The following CMTM8 variants were observed in gnomAD, a reference collection of about 807,000 sequenced individuals.
CMTM8 encodes CKLF-like MARVEL transmembrane domain-containing protein 8.
Under a neutral mutation model 18.6 loss-of-function variants are expected in CMTM8, and 12 were observed. That is an observed-to-expected ratio of 0.65 (90% confidence interval 0.41 to 1.05). The LOEUF is 1.05. Among genes scored for constraint, CMTM8 ranks in the 50% least tolerant of loss-of-function variants. CMTM8 has a pLI of 0.00. For missense variants in CMTM8, 217 were observed against 227.2 expected (o/e 0.95, Z 0.29); for synonymous variants, 87 against 90.6 (o/e 0.96, Z 0.23).
chr3:32,244,049 A>G, intron 1 of CMTM8: 1 of 168,640 alleles, frequency 5.9e-6, no homozygotes, highest in Non-Finnish European at 1.3e-5. Flanking sequence ...ACTCCTGATC[A>G]ACATAGCTGC....
intron 1 of CMTM8, among the ~76,000 whole-genome samples, chr3:32,265,284 T>G (rs906676583): frequency 3.9e-5 from 6 of 152,242 alleles, no homozygotes; most frequent in South Asian, 4.1e-4. Flanking sequence ...AAACTAGAAC[T>G]CAGAATTAGG....
chr3:32,298,957 T>A (rs111911219), intron 1 of CMTM8, among the ~76,000 whole-genome samples: 4,712 of 111,556 alleles, frequency 0.042, 210 homozygotes, highest in African/African-American at 0.12. Flanking sequence ...ATATATATAT[T>A]TTTTTTTTTT....
At chr3:32,347,533 C>CT (rs1696625600) in intron 1 of CMTM8, among the ~76,000 whole-genome samples, 1 of 150,798 alleles carries the variant, frequency 6.6e-6, no homozygotes, top group African/African-American at 2.4e-5. Context: ...CACACAAGTG[C>CT]TGGGGGGCTT....
chr3:32,259,575 TGAA>T, intron 1 of CMTM8: 1 of 903,098 alleles, frequency 1.1e-6, no homozygotes. Flanking sequence ...CTGCTCTTCA[TGAA>T]GAAGAACCAT....
At chr3:32,342,613 A>C (rs1696520731) in intron 1 of CMTM8, among the ~76,000 whole-genome samples, 1 of 152,204 alleles carries the variant, frequency 6.6e-6, no homozygotes. Context: ...ACTTAGCCTG[A>C]CATCGTGTTG....
intron 2 of CMTM8, 95 bp from the exon 3 acceptor site, chr3:32,367,777 C>T (rs888167582): frequency 2.5e-6 from 2 of 795,082 alleles, no homozygotes; most frequent in African/African-American, 1.7e-5. Flanking sequence ...TTGGGCCCCT[C>T]CCCACACCAG....
rs1367894973 is a variant in CMTM8 at position 32,357,362 on chromosome 3, C to CCACT, written c.148-10_148-7dup. 14 of 1,612,346 alleles carry CCACT rather than the reference C, an allele frequency of 8.7e-6. No individual in the cohort carries two copies. Among genetic ancestry groups the CCACT allele is most frequent in the South Asian group, 5.5e-5 (5 of 90,972 alleles). On this transcript the variant is annotated splice_polypyrimidine_tract_variant and intron_variant, in intron 1 of 3. Transcript: ENST00000307526. The stretch of plus-strand genomic sequence containing the variant: ...TCCCCTCCTCTCTCCACTGCTTCTA[C>CCACT]CACTTTACAGGTTCTGGGGCTGCTG...
chr3:32,334,332 C>G (rs986861429), intron 1 of CMTM8, among the ~76,000 whole-genome samples: 1 of 151,104 alleles, frequency 6.6e-6, no homozygotes, highest in East Asian at 2.0e-4. Context: ...ATTGACCGAG[C>G]GTGGTGGCTC....
chr3:32,313,332 C>A (rs1340501535), intron 1 of CMTM8, among the ~76,000 whole-genome samples: 1 of 152,124 alleles, frequency 6.6e-6, no homozygotes, highest in Non-Finnish European at 1.5e-5. Flanking sequence ...CTATTTGCAG[C>A]AGGGGGGAGC....
At chr3:32,278,421 T>C (rs1280465828) in intron 1 of CMTM8, among the ~76,000 whole-genome samples, 1 of 152,212 alleles carries the variant, frequency 6.6e-6, no homozygotes, top group East Asian at 1.9e-4. Context: ...TCTCCAGTCT[T>C]CCCGTAATTG....
intron 1 of CMTM8, among the ~76,000 whole-genome samples, chr3:32,330,249 A>G (rs1583649): frequency 0.32 from 44,784 of 140,096 alleles, 7,260 homozygotes; most frequent in Middle Eastern, 0.4. Flanking sequence ...TAAAATTCCT[A>G]TGGAACCACA....
At chr3:32,290,065 G>A (rs1464378273) in intron 1 of CMTM8, among the ~76,000 whole-genome samples, 1 of 152,168 alleles carries the variant, frequency 6.6e-6, no homozygotes, top group African/African-American at 2.4e-5. Flanking sequence ...AGTGAGCTGA[G>A]ATTGTGCCAT....
At chr3:32,269,865 ACTC>A (rs1702409933) in intron 1 of CMTM8, among the ~76,000 whole-genome samples, 1 of 150,908 alleles carries the variant, frequency 6.6e-6, no homozygotes, top group Admixed American at 6.6e-5. Context: ...CTAAACTTGA[ACTC>A]CTGGACTCAA....
At chr3:32,315,539 C>G (rs190521136) in intron 1 of CMTM8, among the ~76,000 whole-genome samples, 509 of 152,254 alleles carry the variant, frequency 3.3e-3, no homozygotes, top group Middle Eastern at 0.014. Flanking sequence ...AGGTGCTCAG[C>G]GAAGGCACCC....
chr3:32,335,244 C>T (rs936336858), intron 1 of CMTM8, among the ~76,000 whole-genome samples: 2 of 152,236 alleles, frequency 1.3e-5, no homozygotes, highest in Non-Finnish European at 2.9e-5. Flanking sequence ...CCATCCCACT[C>T]CTTTCCTGGG....
chr3:32,254,664 T>C (rs1702154686), intron 1 of CMTM8, among the ~76,000 whole-genome samples: 1 of 152,126 alleles, frequency 6.6e-6, no homozygotes, highest in Non-Finnish European at 1.5e-5. Flanking sequence ...GACAATACTT[T>C]CCTCCTTACC....
intron 1 of CMTM8, among the ~76,000 whole-genome samples, chr3:32,245,335 C>T (rs932199731): frequency 2.0e-5 from 3 of 152,226 alleles, no homozygotes; most frequent in Admixed American, 6.5e-5. Context: ...AAATCGCTTG[C>T]TCTGGTTTTG....
intron 1 of CMTM8, among the ~76,000 whole-genome samples, chr3:32,349,452 T>C (rs116473489): frequency 0.081 from 12,352 of 152,120 alleles, 603 homozygotes; most frequent in East Asian, 0.18. Context: ...ATTTAAGGCC[T>C]TTGTTTCCAC....
chr3:32,360,477 A>G (rs1314461487), intron 2 of CMTM8, among the ~76,000 whole-genome samples: 1 of 152,278 alleles, frequency 6.6e-6, no homozygotes, highest in Non-Finnish European at 1.5e-5. Context: ...AGTTGGGTAC[A>G]TGGTGTTAAC....
Sources: gnomAD v4.1 joint callset for allele counts (sites outside exome capture counted in the v4.1 genomes callset) on GRCh38, gnomAD v4.1.1 for gene constraint, MANE v1.5 for transcripts, NCBI Gene and HGNC (gene_info 2026-07-23, HGNC 2026-07-21) for gene names.